NPAS3: variants seen among roughly 807,000 people sequenced by gnomAD.
NPAS3 encodes neuronal PAS domain-containing protein 3.
NPAS3 carries 14 observed loss-of-function variants against 73.1 expected under a neutral mutation model. The ratio of observed to expected loss-of-function variants is 0.19; its 90% confidence interval spans 0.13 to 0.30. The LOEUF (loss-of-function observed/expected upper bound fraction) is 0.30. Among genes scored for constraint, NPAS3 ranks in the 10% least tolerant of loss-of-function variants. The pLI is 1.00. For synonymous variants in NPAS3, 620 were observed against 541.5 expected, an observed-to-expected ratio of 1.14 and a Z score of -2.01; for missense variants, 1,096 against 1,250.0, an observed-to-expected ratio of 0.88 and a Z score of 1.86.
intron 5 of NPAS3, among the ~76,000 whole-genome samples, chr14:33,627,765 A>C (rs1031849231): frequency 2.6e-5 from 4 of 152,220 alleles, no homozygotes; most frequent in Admixed American, 6.5e-5. Flanking sequence ...TTCCAAAACA[A>C]ATTCCTTTCA....
chr14:33,118,746 G>T (rs983384795), intron 2 of NPAS3, among the ~76,000 whole-genome samples: 2 of 152,054 alleles, frequency 1.3e-5, no homozygotes, highest in Non-Finnish European at 2.9e-5. Context: ...AATAAAAGTA[G>T]TTGGACCTTT....
chr14:33,014,570 C>G (rs900732803), intron 1 of NPAS3, among the ~76,000 whole-genome samples: 4 of 152,082 alleles, frequency 2.6e-5, no homozygotes, highest in Admixed American at 6.6e-5. Flanking sequence ...GACTAAATGA[C>G]ACATAATGAA....
chr14:33,355,081 GTCT>G, intron 3 of NPAS3, among the ~76,000 whole-genome samples: 1 of 152,240 alleles, frequency 6.6e-6, no homozygotes, highest in East Asian at 1.9e-4. Flanking sequence ...GGCCCAACAT[GTCT>G]TCTTCATGCA....
At chr14:33,092,193 A>G (rs1207395975) in intron 2 of NPAS3, among the ~76,000 whole-genome samples, 1 of 152,236 alleles carries the variant, frequency 6.6e-6, no homozygotes, top group Non-Finnish European at 1.5e-5. Context: ...CCCTGTTTGC[A>G]GATGACATGA....
At chr14:33,447,394 G>A (rs1056909850) in intron 4 of NPAS3, among the ~76,000 whole-genome samples, 19 of 152,280 alleles carry the variant, frequency 1.2e-4, no homozygotes, top group Middle Eastern at 3.4e-3. Flanking sequence ...GTGGGCGCAC[G>A]CACGCATTTG....
chr14:33,259,273 A>T (rs770586984), intron 3 of NPAS3, among the ~76,000 whole-genome samples: 2 of 152,136 alleles, frequency 1.3e-5, no homozygotes, highest in Non-Finnish European at 2.9e-5. Flanking sequence ...ATGATTTTTT[A>T]TCTCCTTCCG....
intron 4 of NPAS3, among the ~76,000 whole-genome samples, chr14:33,370,472 TATAAG>T (rs1280023233): frequency 6.6e-6 from 1 of 152,032 alleles, no homozygotes; most frequent in African/African-American, 2.4e-5. Context: ...CAGTGGGACA[TATAAG>T]AGATGAAGGA....
chr14:32,939,114 GGCCGCC>G (rs536218835), upstream of NPAS3: 731 of 147,648 alleles, frequency 5.0e-3, 3 homozygotes, highest in African/African-American at 0.012. Context: ...TCAGCAGCAC[GGCCGCC>G]GCCGCCGCCG....
intron 5 of NPAS3, among the ~76,000 whole-genome samples, chr14:33,618,376 T>C (rs2057982898): frequency 6.6e-6 from 1 of 152,186 alleles, no homozygotes; most frequent in African/African-American, 2.4e-5. Context: ...TGTAACTAGA[T>C]GGTCCTATCT....
chr14:33,533,563 A>T (rs2054131533), intron 4 of NPAS3, among the ~76,000 whole-genome samples: 1 of 152,168 alleles, frequency 6.6e-6, no homozygotes, highest in African/African-American at 2.4e-5. Context: ...CAAAAAGAGC[A>T]ATTTCTCAGT....
chr14:33,433,495 C>G (rs2048861425), intron 4 of NPAS3, among the ~76,000 whole-genome samples: 1 of 152,148 alleles, frequency 6.6e-6, no homozygotes, highest in African/African-American at 2.4e-5. Context: ...GGCATAATGA[C>G]ATATGTCAAG....
intron 2 of NPAS3, among the ~76,000 whole-genome samples, chr14:33,197,595 A>C (rs1348353375): frequency 2.6e-5 from 4 of 152,194 alleles, no homozygotes; most frequent in Non-Finnish European, 5.9e-5. Context: ...TTAAAAAATA[A>C]AGGTAAAAGG....
At chr14:33,033,373 G>A (rs1053090903) in intron 1 of NPAS3, among the ~76,000 whole-genome samples, 23 of 152,046 alleles carry the variant, frequency 1.5e-4, no homozygotes, top group Admixed American at 1.0e-3. Flanking sequence ...CAGCTACTCA[G>A]GATGCTGAGG....
At chr14:33,044,781 A>T (rs887295558) in intron 1 of NPAS3, among the ~76,000 whole-genome samples, 5 of 152,098 alleles carry the variant, frequency 3.3e-5, no homozygotes, top group Admixed American at 6.6e-5. Flanking sequence ...CGCCTTGGGA[A>T]TCTCAAAAGG....
intron 4 of NPAS3, among the ~76,000 whole-genome samples, chr14:33,525,056 A>AT (rs1406670722): frequency 6.6e-6 from 1 of 152,168 alleles, no homozygotes; most frequent in Non-Finnish European, 1.5e-5. Context: ...ATAATAGTAC[A>AT]TTTTTAGCAA....
At chr14:33,708,435 A>G (rs2060721011) in intron 6 of NPAS3, among the ~76,000 whole-genome samples, 1 of 152,214 alleles carries the variant, frequency 6.6e-6, no homozygotes, top group South Asian at 2.1e-4. Context: ...CAAATTGGTA[A>G]CCATGGGGCA....
At chr14:33,554,194 CCTT>C (rs2139712428) in intron 4 of NPAS3, among the ~76,000 whole-genome samples, 1 of 152,280 alleles carries the variant, frequency 6.6e-6, no homozygotes, top group Non-Finnish European at 1.5e-5. Context: ...CAGAGCCTCT[CCTT>C]ATTAACAGCA....
chr14:33,682,497 C>T (rs1170444274), intron 6 of NPAS3, among the ~76,000 whole-genome samples: 2 of 152,188 alleles, frequency 1.3e-5, no homozygotes, highest in African/African-American at 2.4e-5. Flanking sequence ...GATGGGTGCA[C>T]TCCAAAAGCA....
Position 33,800,117 on chromosome 14 carries a change from C to A in NPAS3, c.1810C>A (p.Arg604=). 1 of 1,583,972 alleles carries A rather than the reference C, an allele frequency of 6.3e-7. No homozygotes were observed. The change falls in exon 12 of 12, where the codon CGG becomes AGG. Residue 604 remains arginine (R), a synonymous_variant. Transcript: ENST00000356141. This position sits in a 1 kb window ranked among gnomAD's most constrained non-coding sequence, Gnocchi z 6.5. ...CAAGCACCAGAAGCGCAAGAAAAGG[C>A]GGAAACGGCAAAAGGGCGGCAGCGC...
Sources: gnomAD v4.1 joint callset for allele counts (sites outside exome capture counted in the v4.1 genomes callset) on GRCh38, gnomAD v4.1.1 for gene constraint, Gnocchi (gnomAD v3.1) non-coding constraint, MANE v1.5 for transcripts, NCBI Gene and HGNC (gene_info 2026-07-23, HGNC 2026-07-21) for gene names.